Variants in HECW1 observed in about 807,000 individuals in gnomAD.
HECW1 encodes E3 ubiquitin-protein ligase HECW1.
HECW1 carries 61 observed loss-of-function variants against 182.3 expected under a neutral mutation model. The ratio of observed to expected loss-of-function variants is 0.33; its 90% CI spans 0.27 to 0.41. HECW1 has a LOEUF of 0.41. HECW1 is among the 10% of genes least tolerant of loss of function. The pLI is 1.00. For synonymous variants in HECW1, 859 were observed against 832.6 expected (o/e 1.03, Z -0.55); for missense variants, 1,739 against 2,108.9 (o/e 0.82, Z 3.44).
At chr7:43,223,148 G>A (rs562843424) in intron 2 of HECW1, among the ~76,000 whole-genome samples, 39 of 152,268 alleles carry the variant, frequency 2.6e-4, no homozygotes, top group African/African-American at 9.4e-4. Context: ...TCCACATTCA[G>A]TTTAGCAGCA....
intron 5 of HECW1, among the ~76,000 whole-genome samples, chr7:43,352,729 A>G (rs1268220335): frequency 6.6e-6 from 1 of 152,222 alleles, no homozygotes; most frequent in Non-Finnish European, 1.5e-5. Context: ...AAGAAGGCTA[A>G]TAATGATTGG....
intron 2 of HECW1, among the ~76,000 whole-genome samples, chr7:43,164,198 G>T (rs1003509540): frequency 6.6e-6 from 1 of 152,200 alleles, no homozygotes; most frequent in Non-Finnish European, 1.5e-5. Context: ...GAGTCATCTG[G>T]TCTGCATGGG....
In HECW1 at chr7:43,479,714, C is replaced by G; in HGVS notation, c.3204C>G (p.Leu1068=). 6.2e-7 allele frequency: 1 copy of G among 1,614,148 alleles called. No individual in the cohort carries two copies. Among genetic ancestry groups the G allele is most frequent in the Middle Eastern group, 1.7e-4 (1 of 6,060 alleles). ...LPNHLTHRQH[L]QRLRSYSAGE... is the part of the protein sequence containing the mutation. ...ATCATCTAACTCACCGACAGCACCTCCAGAGGCTCCGAAGTTACAGCGCTG... is the reference window on the plus strand; with the variant it reads ...ATCATCTAACTCACCGACAGCACCTGCAGAGGCTCCGAAGTTACAGCGCTG... The change falls in exon 17 of 30, where the codon CTC becomes CTG. Residue 1068 remains leucine, a synonymous_variant. Coordinates refer to ENST00000395891, the MANE Select transcript of HECW1 (RefSeq NM_015052.5).
At chr7:43,138,671 C>T (rs769385049) in intron 2 of HECW1, among the ~76,000 whole-genome samples, 23 of 152,280 alleles carry the variant, frequency 1.5e-4, no homozygotes, top group Admixed American at 3.9e-4. Flanking sequence ...GTGTTCTGTG[C>T]CTTAGTAAAA....
At position 43,445,475 on chromosome 7, in the gene HECW1, C is replaced by T. The variant is rs1289082524; in HGVS notation, c.2303C>T (p.Pro768Leu). The T allele has an allele frequency of 1.9e-6, 3 of 1,612,258 alleles. No individual in the cohort carries two copies. Among genetic ancestry groups the T allele is most frequent in the East Asian group, 2.2e-5 (1 of 44,850 alleles). The change falls in exon 11 of 30, where the codon CCG (proline) becomes CTG (leucine). Residue 768 changes from proline to leucine, a missense_variant. Pro to Leu is a moderately conservative substitution (Grantham distance 98, BLOSUM62 -3). Transcript: ENST00000395891. Reference protein sequence around the residue: ...LDPESTNGAGPWQDELAAPSG... With the variant: ...LDPESTNGAGLWQDELAAPSG... Reference sequence around the variant, plus strand: ...CCGGAGTCCACGAACGGCGCTGGGCCGTGGCAAGACGAGCTGGCCGCCCCT... The same window carrying T: ...CCGGAGTCCACGAACGGCGCTGGGCTGTGGCAAGACGAGCTGGCCGCCCCT...
At chr7:43,131,469 T>C (rs929022801) in intron 2 of HECW1, among the ~76,000 whole-genome samples, 1 of 152,154 alleles carries the variant, frequency 6.6e-6, no homozygotes, top group Non-Finnish European at 1.5e-5. Flanking sequence ...TTGTTTTGTT[T>C]TTTGAGAGGA....
intron 2 of HECW1, among the ~76,000 whole-genome samples, chr7:43,123,942 A>G (rs1785907603): frequency 6.6e-6 from 1 of 152,210 alleles, no homozygotes; most frequent in South Asian, 2.1e-4. Context: ...GAACCATTTA[A>G]GCTATATAGA....
At chr7:43,471,575 G>A (rs746003984) in intron 16 of HECW1, among the ~76,000 whole-genome samples, 3 of 152,170 alleles carry the variant, frequency 2.0e-5, no homozygotes, top group Non-Finnish European at 2.9e-5. Flanking sequence ...CAGGAGGACC[G>A]GGGCAAAGAA....
chr7:43,536,092 C>T (rs1349336925), intron 24 of HECW1, among the ~76,000 whole-genome samples: 1 of 152,140 alleles, frequency 6.6e-6, no homozygotes, highest in Admixed American at 6.5e-5. Flanking sequence ...GCATGCTTTC[C>T]ACACCAAGGA....
chr7:43,147,144 G>A (rs1353144129), intron 2 of HECW1, among the ~76,000 whole-genome samples: 2 of 152,188 alleles, frequency 1.3e-5, no homozygotes, highest in Non-Finnish European at 2.9e-5. Flanking sequence ...TTCAAAGCCA[G>A]AGCTAAAGAA....
intron 5 of HECW1, among the ~76,000 whole-genome samples, chr7:43,355,404 A>ATTTGTATG (rs1380280063): frequency 6.6e-6 from 1 of 152,210 alleles, no homozygotes; most frequent in Non-Finnish European, 1.5e-5. Context: ...TAATATAAAA[A>ATTTGTATG]TATGTAAATT....
chr7:43,426,722 A>C (rs986014244), intron 8 of HECW1, among the ~76,000 whole-genome samples: 2 of 152,188 alleles, frequency 1.3e-5, no homozygotes, highest in Admixed American at 1.3e-4. Flanking sequence ...TTTTGGTAAA[A>C]TGTACTTATA....
intron 6 of HECW1, among the ~76,000 whole-genome samples, chr7:43,370,513 G>A (rs78360250): frequency 0.087 from 13,212 of 152,156 alleles, 715 homozygotes; most frequent in East Asian, 0.22. Flanking sequence ...TTCACCCAAC[G>A]GAGTTGAAAA....
chr7:43,488,484 G>GA (rs1406096925), intron 17 of HECW1, among the ~76,000 whole-genome samples: 13 of 147,072 alleles, frequency 8.8e-5, no homozygotes, highest in African/African-American at 2.9e-4. Flanking sequence ...AAGAAAGAAA[G>GA]AAAGAGAAAG....
chr7:43,274,544 C>A, intron 3 of HECW1: 2 of 550,510 alleles, frequency 3.6e-6, no homozygotes, highest in East Asian at 8.4e-5. Flanking sequence ...TGCCGCCGGG[C>A]CACGCTTCAC....
chr7:43,514,305 T>TC (rs1192706403), intron 24 of HECW1, among the ~76,000 whole-genome samples: 1 of 151,332 alleles, frequency 6.6e-6, no homozygotes, highest in Non-Finnish European at 1.5e-5. Context: ...TCTTTTCTTT[T>TC]TTTTTTTTTT....
intron 3 of HECW1, among the ~76,000 whole-genome samples, chr7:43,291,669 A>G (rs1005706839): frequency 1.3e-5 from 2 of 152,236 alleles, no homozygotes; most frequent in Non-Finnish European, 1.5e-5. Context: ...TTGAAGAGGA[A>G]ACTTTTTACT....
intron 14 of HECW1, among the ~76,000 whole-genome samples, chr7:43,464,592 G>T (rs1169425961): frequency 2.0e-5 from 3 of 151,772 alleles, no homozygotes; most frequent in African/African-American, 7.3e-5. Flanking sequence ...AGATTTATTT[G>T]CCAAAAGAAG....
intron 14 of HECW1, among the ~76,000 whole-genome samples, chr7:43,464,504 T>C (rs2077694327): frequency 6.6e-6 from 1 of 152,194 alleles, no homozygotes; most frequent in African/African-American, 2.4e-5. Flanking sequence ...CTTTTTTTTT[T>C]TTAACCTGTA....
Sources: allele counts gnomAD v4.1 joint callset (sites outside exome capture counted in the v4.1 genomes callset), GRCh38; gene constraint gnomAD v4.1.1; transcripts MANE v1.5; gene names NCBI Gene and HGNC (gene_info 2026-07-23, HGNC 2026-07-21).